The following SPAST variants were observed in gnomAD, a reference collection of about 807,000 sequenced individuals.
SPAST encodes the protein spastin.
A neutral mutation model predicts 76.6 loss-of-function variants in SPAST; 30 were observed. The observed-to-expected ratio is 0.39, with a 90% CI of 0.29 to 0.53. SPAST has a LOEUF of 0.53. SPAST is among the 20% of genes least tolerant of loss of function. The pLI is 0.68. For synonymous variants in SPAST, 305 were observed against 281.0 expected (o/e 1.09, Z -0.86); for missense variants, 717 against 770.5 (o/e 0.93, Z 0.82).
chr2:32,105,182 C>T (rs1359945727), intron 4 of SPAST, among the ~76,000 whole-genome samples: 1 of 152,140 alleles, frequency 6.6e-6, no homozygotes, highest in Non-Finnish European at 1.5e-5. Flanking sequence ...AACTTCTCTT[C>T]TGGCTTCATT....
chr2:32,131,675 T>TC (rs1007668183), intron 9 of SPAST, among the ~76,000 whole-genome samples: 3 of 143,344 alleles, frequency 2.1e-5, no homozygotes, highest in African/African-American at 7.7e-5. Flanking sequence ...CATTCTCTTT[T>TC]TTTTTTTTTT....
At chr2:32,151,912 CAA>C (rs945690146) in intron 16 of SPAST, among the ~76,000 whole-genome samples, 38 of 92,246 alleles carry the variant, frequency 4.1e-4, no homozygotes, top group Admixed American at 5.8e-4. Context: ...ACTCCATCTC[CAA>C]AAAAAAAAAA....
intron 5 of SPAST, among the ~76,000 whole-genome samples, chr2:32,115,208 A>T (rs961068797): frequency 2.5e-4 from 38 of 152,238 alleles, no homozygotes; most frequent in African/African-American, 7.5e-4. Context: ...TCAGCCTCCC[A>T]AAGTACTGGG....
rs1266391921 is a variant in SPAST, at chr2:32,155,917, C to G, written c.*1421C>G. 1 of 152,322 alleles carries G rather than the reference C, an allele frequency of 6.6e-6. No homozygotes were observed. Among genetic ancestry groups the G allele is most frequent in the African/African-American group, 2.4e-5 (1 of 41,366 alleles). 9.4% of individuals were successfully genotyped at this position (152,322 alleles called of 1,614,324 possible). The stretch of plus-strand genomic sequence containing the variant: ...AGATTTCTTAGGTTTTGAAAGAATA[C>G]ATTAAAATAAAAAACTTGCCCCTAC... On this transcript the variant is annotated 3_prime_UTR_variant, in exon 17 of 17. Coordinates refer to ENST00000315285, the MANE Select transcript of SPAST (RefSeq NM_014946.4).
At chr2:32,067,187 G>A (rs1676555411) in intron 1 of SPAST, among the ~76,000 whole-genome samples, 1 of 151,978 alleles carries the variant, frequency 6.6e-6, no homozygotes, top group African/African-American at 2.4e-5. Context: ...TCAGCCTCCT[G>A]AGCAGCTGGG....
intron 2 of SPAST, among the ~76,000 whole-genome samples, chr2:32,088,690 CT>C (rs1354794911): frequency 6.8e-6 from 1 of 147,110 alleles, no homozygotes; most frequent in African/African-American, 2.5e-5. Flanking sequence ...TTAAAAATGC[CT>C]TGTATTATAC....
intron 1 of SPAST, among the ~76,000 whole-genome samples, chr2:32,069,106 G>C (rs564035115): frequency 6.6e-6 from 1 of 151,958 alleles, no homozygotes; most frequent in South Asian, 2.1e-4. Flanking sequence ...CCGGGTACTT[G>C]GGACGCTGAC....
At chr2:32,134,475 AT>A (rs1360126837) in intron 9 of SPAST, among the ~76,000 whole-genome samples, 3 of 148,210 alleles carry the variant, frequency 2.0e-5, no homozygotes, top group Admixed American at 6.8e-5. Flanking sequence ...AAAAAAAAAA[AT>A]TTTTTTTTGT....
At chr2:32,125,200 GTTTATT>G (rs769044625) in intron 7 of SPAST, among the ~76,000 whole-genome samples, 26 of 151,856 alleles carry the variant, frequency 1.7e-4, no homozygotes, top group Non-Finnish European at 2.9e-4. Context: ...TAAAAAAAAA[GTTTATT>G]TTTATTTTTA....
intron 4 of SPAST, among the ~76,000 whole-genome samples, chr2:32,110,105 T>G (rs944892021): frequency 2.5e-4 from 13 of 51,162 alleles, no homozygotes; most frequent in Admixed American, 1.2e-3. Flanking sequence ...GTTTTTTTTG[T>G]TTTTTTTTTT....
rs753799256 is a variant in SPAST, at chr2:32,137,105, G to A, written c.1414-4G>A. 1 of 1,612,910 alleles carries A rather than the reference G, an allele frequency of 6.2e-7. No homozygotes were observed. The highest frequency in any genetic ancestry group is 1.7e-5 in the Admixed American group (1 of 60,006). ...TGAATTGAAAAAAGATTTTTTGCTT[G>A]TAGGTACAGTCTGCTGGAGATGACA... On this transcript the variant is annotated splice_polypyrimidine_tract_variant and splice_region_variant and intron_variant, in intron 11 of 16. Transcript: ENST00000315285.
At chr2:32,083,739 ATT>A (rs869241726) in intron 1 of SPAST, among the ~76,000 whole-genome samples, 4,344 of 59,072 alleles carry the variant, frequency 0.074, 241 homozygotes, top group Non-Finnish European at 0.079. Flanking sequence ...TACTATATAT[ATT>A]TATATATACT....
chr2:32,107,485 T>A (rs1164875187), intron 4 of SPAST, among the ~76,000 whole-genome samples: 1 of 152,138 alleles, frequency 6.6e-6, no homozygotes. Context: ...ACTCCTGACC[T>A]TAAGTGATCC....
chr2:32,136,690 T>A (rs750495957), intron 10 of SPAST, 52 bp downstream of exon 10: 1 of 1,440,664 alleles, frequency 6.9e-7, no homozygotes, highest in South Asian at 1.1e-5. Context: ...AATTTCCCTC[T>A]CCAAATAGGA....
chr2:32,117,106 A>G (rs1350599198), intron 7 of SPAST, among the ~76,000 whole-genome samples: 3 of 152,052 alleles, frequency 2.0e-5, no homozygotes, highest in East Asian at 1.9e-4. Flanking sequence ...TAAAATTACA[A>G]AAATTAGCTG....
intron 1 of SPAST, among the ~76,000 whole-genome samples, chr2:32,070,643 A>G (rs1676710968): frequency 6.6e-6 from 1 of 152,176 alleles, no homozygotes; most frequent in Admixed American, 6.5e-5. Context: ...GTACATACAC[A>G]TTTTGAGACA....
At chr2:32,153,987 G>A (rs1211130025) in intron 16 of SPAST, among the ~76,000 whole-genome samples, 3 of 152,194 alleles carry the variant, frequency 2.0e-5, no homozygotes, top group Non-Finnish European at 4.4e-5. Flanking sequence ...TGAGACAGAA[G>A]AATTGCTTGA....
Position 32,153,264 on chromosome 2 carries a change from C to T in SPAST, c.1729-1110C>T, listed in dbSNP as rs554550025. 2.9e-4 allele frequency among the ~76,000 whole-genome samples: 44 copies of T among 151,006 alleles called. No homozygotes were observed. The South Asian group carries it at 5.4e-3, about 19-fold the overall frequency. On this transcript the variant is annotated intron_variant, in intron 16 of 16. Transcript: ENST00000315285. ...ATTTTTGGGCCAAAATACAGGTATA[C>T]GCTAGAAATGATTTTTAACACAGGT... is the stretch of plus-strand genomic sequence containing the variant.
intron 4 of SPAST, among the ~76,000 whole-genome samples, chr2:32,111,360 T>C (rs1678593643): frequency 7.8e-6 from 1 of 128,416 alleles, no homozygotes; most frequent in East Asian, 2.5e-4. Flanking sequence ...GTATAGTGTG[T>C]ATAGCGTATA....
Sources: gnomAD v4.1 joint callset for allele counts (sites outside exome capture counted in the v4.1 genomes callset) on GRCh38, gnomAD v4.1.1 for gene constraint, MANE v1.5 for transcripts, NCBI Gene and HGNC (gene_info 2026-07-23, HGNC 2026-07-21) for gene names.